Variants in PPARGC1A observed in about 807,000 individuals in gnomAD.
PPARGC1A encodes the protein PPARG coactivator 1 alpha.
A neutral mutation model predicts 88.7 loss-of-function variants in PPARGC1A; 25 were observed. The ratio of observed to expected loss-of-function variants is 0.28; its 90% CI spans 0.21 to 0.39. The LOEUF (loss-of-function observed/expected upper bound fraction) is 0.39. Ranked by LOEUF, PPARGC1A falls within the 10% of genes least tolerant of loss-of-function variation. The pLI, the probability that PPARGC1A is intolerant of heterozygous loss-of-function variation, is 1.00. For synonymous variants in PPARGC1A, 363 were observed against 355.6 expected (o/e 1.02, Z -0.24); for missense variants, 880 against 968.7 (o/e 0.91, Z 1.22).
At chr4:24,177,251 A>G in the PPARGC1A span, among the ~76,000 whole-genome samples, 1 of 152,086 alleles carries the variant, frequency 6.6e-6, no homozygotes, top group South Asian at 2.1e-4. Flanking sequence ...GATTAAGAAA[A>G]TGTGGCACAT....
the PPARGC1A span, among the ~76,000 whole-genome samples, chr4:24,076,623 C>A: frequency 0.021 from 3,122 of 152,176 alleles, 119 homozygotes; most frequent in African/African-American, 0.067. Context: ...GCTAGGTGCT[C>A]TATCTGTTTC....
At chr4:24,350,884 C>G in the PPARGC1A span, among the ~76,000 whole-genome samples, 1 of 152,130 alleles carries the variant, frequency 6.6e-6, no homozygotes, top group African/African-American at 2.4e-5. Flanking sequence ...AATCCCAGCA[C>G]TTTGGGAGGT....
the PPARGC1A span, among the ~76,000 whole-genome samples, chr4:24,406,462 G>T: frequency 6.6e-6 from 1 of 152,160 alleles, no homozygotes; most frequent in South Asian, 2.1e-4. Context: ...GAGTGTGTCT[G>T]CATATCTCTG....
the PPARGC1A span, among the ~76,000 whole-genome samples, chr4:24,083,085 C>T: frequency 6.6e-6 from 1 of 152,126 alleles, no homozygotes; most frequent in Admixed American, 6.5e-5. Flanking sequence ...TATATATGGC[C>T]ACTTGATTTG....
chr4:24,025,225 C>T, the PPARGC1A span, among the ~76,000 whole-genome samples: 2 of 152,038 alleles, frequency 1.3e-5, no homozygotes, highest in South Asian at 2.1e-4. Flanking sequence ...CTCATTGGGA[C>T]GAATTAACAA....
chr4:24,041,908 C>T, the PPARGC1A span, among the ~76,000 whole-genome samples: 1 of 150,250 alleles, frequency 6.7e-6, no homozygotes, highest in African/African-American at 2.4e-5. Flanking sequence ...AGAAGGCATC[C>T]CACCAAAAAA....
the PPARGC1A span, among the ~76,000 whole-genome samples, chr4:24,188,399 GCA>G: frequency 6.6e-6 from 1 of 152,100 alleles, no homozygotes; most frequent in African/African-American, 2.4e-5. Context: ...TCAGGCAAAG[GCA>G]CTAACTCTTA....
chr4:23,827,342 C>G (rs1389463789), intron 5 of PPARGC1A, among the ~76,000 whole-genome samples: 1 of 151,786 alleles, frequency 6.6e-6, no homozygotes, highest in East Asian at 1.9e-4. Flanking sequence ...GCAATAACAG[C>G]ATACCTACAC....
the PPARGC1A span, among the ~76,000 whole-genome samples, chr4:24,452,913 T>A: frequency 2.6e-5 from 4 of 152,226 alleles, no homozygotes; most frequent in East Asian, 7.7e-4. Context: ...GGCTGAACTG[T>A]GTTCCTCCTA....
At chr4:24,247,563 A>C in the PPARGC1A span, among the ~76,000 whole-genome samples, 2 of 152,136 alleles carry the variant, frequency 1.3e-5, no homozygotes, top group African/African-American at 4.8e-5. Context: ...AATTTACGCC[A>C]AAGAGATCAG....
chr4:23,955,400 T>G, the PPARGC1A span, among the ~76,000 whole-genome samples: 1 of 152,036 alleles, frequency 6.6e-6, no homozygotes, highest in South Asian at 2.1e-4. Context: ...AATATCAAAA[T>G]AAATTACTCC....
the PPARGC1A span, among the ~76,000 whole-genome samples, chr4:24,175,356 T>C: frequency 6.7e-6 from 1 of 150,274 alleles, no homozygotes; most frequent in East Asian, 2.0e-4. Flanking sequence ...GTTTTTGTTT[T>C]TTTTTTTCTC....
chr4:23,948,653 C>T, the PPARGC1A span, among the ~76,000 whole-genome samples: 1 of 152,322 alleles, frequency 6.6e-6, no homozygotes, highest in East Asian at 1.9e-4. Flanking sequence ...GGACACCACA[C>T]ATCCCAGTGT....
At chr4:24,236,196 C>G in the PPARGC1A span, among the ~76,000 whole-genome samples, 1 of 152,148 alleles carries the variant, frequency 6.6e-6, no homozygotes, top group Non-Finnish European at 1.5e-5. Flanking sequence ...TCCAGACTTT[C>G]GGGTCGTATC....
the PPARGC1A span, among the ~76,000 whole-genome samples, chr4:24,104,685 AC>A: frequency 6.6e-6 from 1 of 152,144 alleles, no homozygotes; most frequent in East Asian, 1.9e-4. Context: ...GACAATAAAG[AC>A]AAAAGCAGGA....
the PPARGC1A span, among the ~76,000 whole-genome samples, chr4:24,321,038 A>G: frequency 6.6e-6 from 1 of 152,158 alleles, no homozygotes; most frequent in South Asian, 2.1e-4. Context: ...TTGCAAGTGT[A>G]GGGCCTGACT....
At chr4:24,294,103 A>G in the PPARGC1A span, among the ~76,000 whole-genome samples, 1 of 152,166 alleles carries the variant, frequency 6.6e-6, no homozygotes, top group Non-Finnish European at 1.5e-5. Context: ...AACTGGCTCC[A>G]TCCCAAGTCG....
the PPARGC1A span, among the ~76,000 whole-genome samples, chr4:24,290,319 C>G: frequency 6.6e-6 from 1 of 151,974 alleles, no homozygotes; most frequent in Non-Finnish European, 1.5e-5. Flanking sequence ...GTACCCATCA[C>G]CCGAGCAGTA....
chr4:23,966,847 A>T, the PPARGC1A span, among the ~76,000 whole-genome samples: 11 of 152,306 alleles, frequency 7.2e-5, no homozygotes, highest in African/African-American at 2.4e-4. Context: ...TGCAGGTTCA[A>T]CATTCAGAGG....
Sources: gnomAD v4.1 joint callset for allele counts (sites outside exome capture counted in the v4.1 genomes callset) on GRCh38, gnomAD v4.1.1 for gene constraint, MANE v1.5 for transcripts, NCBI Gene and HGNC (gene_info 2026-07-23, HGNC 2026-07-21) for gene names.